The following AGO1 variants were observed in gnomAD, a reference collection of about 807,000 sequenced individuals.
AGO1 encodes argonaute RISC component 1.
In AGO1, 11 loss-of-function variants were observed where a neutral mutation model predicts 109.2. The ratio of observed to expected loss-of-function variants is 0.10; its 90% confidence interval spans 0.06 to 0.17. The LOEUF is 0.17. Among genes scored for constraint, AGO1 ranks in the 10% least tolerant of loss-of-function variants. The pLI is 1.00. For synonymous variants in AGO1, 422 were observed against 418.6 expected (o/e 1.01, Z -0.10); for missense variants, 574 against 1,140.3 (o/e 0.50, Z 7.15).
At position 35,921,550 on chromosome 1, in the gene AGO1, TTGGAGGCCAGC is replaced by T. The variant is rs1482570994; in HGVS notation, c.*1950_*1960del. On this transcript the variant is annotated 3_prime_UTR_variant, in exon 19 of 19. Coordinates refer to ENST00000373204, the MANE Select transcript of AGO1 (RefSeq NM_012199.5). Reference sequence around the variant, plus strand: ...TGATTACTTTAGACCTAGCCCAGGCTTGGAGGCCAGCTGGAGGAAGAAGGGTCTAAATCCTG... The same window carrying T: ...TGATTACTTTAGACCTAGCCCAGGCTTGGAGGAAGAAGGGTCTAAATCCTG... 6.5e-6 allele frequency: 1 copy of T among 152,700 alleles called. No individual in the cohort carries two copies. Among genetic ancestry groups the T allele is most frequent in the Non-Finnish European group, 1.5e-5 (1 of 68,096 alleles). 9.5% of individuals were successfully genotyped at this position (152,700 alleles called of 1,614,324 possible). A position where few individuals can be genotyped will look rare whatever the true frequency, so the allele number is the denominator to read the frequency against.
chr1:35,915,368 C>T lies in AGO1; in HGVS notation c.1854C>T (p.Ala618=). ...SITAVVGSMD[A]HPSRYCATVR... ...GTCAGGTGGTAGGCAGTATGGATGCCCACCCCAGCCGATACTGTGCTACTG... is the reference window on the plus strand; with the variant it reads ...GTCAGGTGGTAGGCAGTATGGATGCTCACCCCAGCCGATACTGTGCTACTG... The change falls in exon 15 of 19, where the codon GCC becomes GCT. Residue 618 remains alanine, a synonymous_variant. Coordinates refer to ENST00000373204, the MANE Select transcript of AGO1 (RefSeq NM_012199.5). The T allele has an allele frequency of 6.2e-7, 1 of 1,613,674 alleles. No homozygotes were observed. Among genetic ancestry groups the T allele is most frequent in the African/African-American group, 1.3e-5 (1 of 74,976 alleles).
upstream of AGO1, among the ~76,000 whole-genome samples, chr1:35,880,149 G>A (rs1049338156): frequency 6.6e-6 from 1 of 152,160 alleles, no homozygotes; most frequent in African/African-American, 2.4e-5. Flanking sequence ...CACTAAAGGA[G>A]GACAGCAGTG....
At position 35,918,360 on chromosome 1, in the gene AGO1, G is replaced by A. The variant is rs1394089472; in HGVS notation, c.2202G>A (p.Val734=). The A allele has an allele frequency of 1.9e-6, 3 of 1,613,950 alleles. No individual in the cohort carries two copies. In the Admixed American group the frequency reaches 5.0e-5, roughly 27 times the overall value. ...KSGNIPAGTT[V]DTNITHPFEF... is the part of the protein sequence containing the mutation. The stretch of plus-strand genomic sequence containing the variant: ...GTAACATCCCAGCTGGGACCACAGT[G>A]GACACCAACATCACCCACCCATTTG... The change falls in exon 17 of 19, where the codon GTG becomes GTA. Residue 734 remains valine (V), a synonymous_variant. Transcript: ENST00000373204.
upstream of AGO1, among the ~76,000 whole-genome samples, chr1:35,881,096 T>C (rs1225685600): frequency 6.6e-6 from 1 of 152,242 alleles, no homozygotes; most frequent in Non-Finnish European, 1.5e-5. Context: ...ATTACATGTC[T>C]AGTAAATGCA....
Position 35,901,722 on chromosome 1 carries a change from T to C in AGO1, c.1140+129T>C. ...GTTGCCTAGGACTGTATAAGGCTGCTTTTGCTTCTTGACCGTATAGCTACT... is the reference window on the plus strand; with the variant it reads ...GTTGCCTAGGACTGTATAAGGCTGCCTTTGCTTCTTGACCGTATAGCTACT... On this transcript the variant is annotated intron_variant, in intron 9 of 18. Transcript: ENST00000373204. The surrounding 1 kb of genome is among the most constrained non-coding windows in gnomAD (Gnocchi z 4.8). 1.4e-6 allele frequency: 2 copies of C among 1,456,620 alleles called. No individual in the cohort carries two copies. The highest frequency in any genetic ancestry group is 1.9e-6 in the Non-Finnish European group (2 of 1,073,936). The allele number at this position is 1,456,620 out of a possible 1,614,324, so 90.2% of individuals were successfully genotyped here.
At chr1:35,905,642 T>A (rs2148718165) in intron 11 of AGO1, among the ~76,000 whole-genome samples, 1 of 152,220 alleles carries the variant, frequency 6.6e-6, no homozygotes, top group East Asian at 1.9e-4. Flanking sequence ...AGGTTTTTTT[T>A]GTATTTTTAG....
intron 1 of AGO1, among the ~76,000 whole-genome samples, chr1:35,870,167 A>G (rs890090936): frequency 5.3e-5 from 8 of 151,890 alleles, no homozygotes; most frequent in African/African-American, 1.7e-4. Flanking sequence ...CTGGGAGTCC[A>G]TATGTTTTTG....
intron 6 of AGO1, 37 bp from the exon 7 acceptor site, chr1:35,894,278 C>T (rs1645277050): frequency 1.2e-6 from 2 of 1,612,226 alleles, no homozygotes; most frequent in Non-Finnish European, 1.7e-6. Flanking sequence ...ACATGAGCAA[C>T]CTATTTTAGC....
chr1:35,903,912 A>G (rs1645468714), intron 11 of AGO1, among the ~76,000 whole-genome samples: 1 of 151,660 alleles, frequency 6.6e-6, no homozygotes, highest in Non-Finnish European at 1.5e-5. Context: ...GCAGTGAGCT[A>G]AGGTTGTGCC....
At chr1:35,902,369 T>C in intron 11 of AGO1, 32 bp downstream of exon 11, 1 of 1,606,676 alleles carries the variant, frequency 6.2e-7, no homozygotes, top group South Asian at 1.1e-5. Flanking sequence ...GGTGGAAGGG[T>C]GGGAAGGACC....
rs1321542247 is a variant in AGO1 at position 35,919,719 on chromosome 1, T to C, written c.*112T>C. On this transcript the variant is annotated 3_prime_UTR_variant, in exon 19 of 19. Coordinates refer to ENST00000373204, the MANE Select transcript of AGO1 (RefSeq NM_012199.5). The surrounding 1 kb of genome is among the most constrained non-coding windows in gnomAD (Gnocchi z 6.6). ...GAGGGAGGTGGGGTAGGGAGGAGTG[T>C]AGGATGCCTTGTTTCCTTCTATAGA... 1.0e-6 allele frequency: 1 copy of C among 957,606 alleles called. No homozygotes were observed. Among genetic ancestry groups the C allele is most frequent in the Non-Finnish European group, 1.5e-6 (1 of 646,242 alleles). The allele number at this position is 957,606 out of a possible 1,614,324, so 59.3% of individuals were successfully genotyped here.
At position 35,893,841 on chromosome 1, in the gene AGO1, A is replaced by AC; in HGVS notation, c.649+35dup. 1 of 1,597,480 alleles carries AC rather than the reference A, an allele frequency of 6.3e-7. No individual in the cohort carries two copies. ...TGGGGAGAGCTATGGAGCCAGGGGCACCCCAAGTCCAGTGACCACACTCCC... is the reference window on the plus strand; with the variant it reads ...TGGGGAGAGCTATGGAGCCAGGGGCACCCCCAAGTCCAGTGACCACACTCCC... On this transcript the variant is annotated intron_variant, in intron 5 of 18. Coordinates refer to ENST00000373204, the MANE Select transcript of AGO1 (RefSeq NM_012199.5). This position sits in a 1 kb window ranked among gnomAD's most constrained non-coding sequence, Gnocchi z 5.6.
intron 1 of AGO1, among the ~76,000 whole-genome samples, chr1:35,886,494 A>G (rs1177299080): frequency 6.6e-6 from 1 of 152,140 alleles, no homozygotes; most frequent in African/African-American, 2.4e-5. Flanking sequence ...TTTCTGGGGA[A>G]GAGAAGGCTT....
upstream of AGO1, chr1:35,883,185 T>G (rs1300498369): frequency 2.6e-6 from 3 of 1,161,694 alleles, no homozygotes; most frequent in Non-Finnish European, 3.2e-6. The surrounding 1 kb of genome is among the most constrained non-coding windows in gnomAD (Gnocchi z 5.4). Context: ...GTCCGCCCCC[T>G]GGGCCCGGCG....
chr1:35,894,785 G>C (rs1403342459), intron 7 of AGO1, among the ~76,000 whole-genome samples: 1 of 152,128 alleles, frequency 6.6e-6, no homozygotes, highest in African/African-American at 2.4e-5. Context: ...TTGACCTTAG[G>C]CTATACTGAT....
chr1:35,924,586 TAATG>T lies in AGO1; in HGVS notation c.*4981_*4984del, dbSNP rs2148729521. ...ATAGTCCCCTGGCATAGGAGGAAGA[TAATG>T]AGGGAGTGGAATAAGGCTACAACAA... On this transcript the variant is annotated 3_prime_UTR_variant, in exon 19 of 19. Coordinates refer to ENST00000373204, the MANE Select transcript of AGO1 (RefSeq NM_012199.5). 1 of 152,164 alleles carries T rather than the reference TAATG, an allele frequency of 6.6e-6. No individual in the cohort carries two copies. Among genetic ancestry groups the T allele is most frequent in the South Asian group, 2.1e-4 (1 of 4,814 alleles). The allele number at this position is 152,164 out of a possible 1,614,324, so 9.4% of individuals were successfully genotyped here. A position where few individuals can be genotyped will look rare whatever the true frequency, so the allele number is the denominator to read the frequency against.
At chr1:35,890,260 C>T (rs898298080) in intron 2 of AGO1, among the ~76,000 whole-genome samples, 2 of 152,054 alleles carry the variant, frequency 1.3e-5, no homozygotes, top group Non-Finnish European at 2.9e-5. Flanking sequence ...TGACCTCAAG[C>T]AGTCTGCCCG....
At chr1:35,912,360 GAAAA>G (rs753525049) in intron 12 of AGO1, among the ~76,000 whole-genome samples, 1 of 40,616 alleles carries the variant, frequency 2.5e-5, no homozygotes, top group Non-Finnish European at 5.2e-5. Flanking sequence ...CTCTGTCTCA[GAAAA>G]AAAAAAAAAA....
At chr1:35,870,380 T>C (rs1036013124) in intron 1 of AGO1, among the ~76,000 whole-genome samples, 1 of 152,020 alleles carries the variant, frequency 6.6e-6, no homozygotes, top group Non-Finnish European at 1.5e-5. Context: ...GCCTCCCAGG[T>C]TCACGCCATT....
Sources: allele counts gnomAD v4.1 joint callset (sites outside exome capture counted in the v4.1 genomes callset), GRCh38; gene constraint gnomAD v4.1.1; non-coding constraint Gnocchi (gnomAD v3.1); transcripts MANE v1.5; gene names NCBI Gene and HGNC (gene_info 2026-07-23, HGNC 2026-07-21).